DPP10: variants seen among roughly 807,000 people sequenced by gnomAD.
The protein encoded by DPP10 is dipeptidyl peptidase like 10.
DPP10 carries 33 observed loss-of-function variants against 120.9 expected under a neutral mutation model. That is an observed-to-expected ratio of 0.27 (90% CI 0.21 to 0.37). The LOEUF (loss-of-function observed/expected upper bound fraction) is 0.37. DPP10 is among the 10% of genes least tolerant of loss of function. DPP10 has a pLI of 1.00. For synonymous variants in DPP10, 337 were observed against 326.1 expected, an observed-to-expected ratio of 1.03 and a Z score of -0.36; for missense variants, 816 against 942.8, an observed-to-expected ratio of 0.87 and a Z score of 1.76.
chr2:115,554,611 C>T (rs1309397598), intron 5 of DPP10, among the ~76,000 whole-genome samples: 1 of 152,000 alleles, frequency 6.6e-6, no homozygotes, highest in African/African-American at 2.4e-5. Flanking sequence ...TCTCATACCC[C>T]AAAGGTAACA....
chr2:115,419,269 C>G (rs1213330378), intron 3 of DPP10, among the ~76,000 whole-genome samples: 3 of 152,106 alleles, frequency 2.0e-5, no homozygotes, highest in African/African-American at 7.2e-5. Flanking sequence ...TTGGATTCAT[C>G]AGAACACAGA....
chr2:114,840,821 A>G (rs984968402), intron 1 of DPP10, among the ~76,000 whole-genome samples: 2 of 152,074 alleles, frequency 1.3e-5, no homozygotes, highest in Non-Finnish European at 2.9e-5. Flanking sequence ...TTTGACTGTG[A>G]TTTTCCCTGA....
intron 1 of DPP10, among the ~76,000 whole-genome samples, chr2:114,564,592 T>TTTC (rs1184015864): frequency 2.0e-5 from 3 of 152,232 alleles, no homozygotes; most frequent in African/African-American, 4.8e-5. Flanking sequence ...GAAAAGGTTT[T>TTTC]TTCTCTGAAG....
At chr2:114,975,275 A>C (rs1699678201) in intron 1 of DPP10, among the ~76,000 whole-genome samples, 1 of 151,792 alleles carries the variant, frequency 6.6e-6, no homozygotes, top group Non-Finnish European at 1.5e-5. Context: ...CAATCTCTTG[A>C]CCTCATGATC....
At chr2:114,457,831 C>T (rs1457877225) in intron 1 of DPP10, among the ~76,000 whole-genome samples, 2 of 152,104 alleles carry the variant, frequency 1.3e-5, no homozygotes, top group African/African-American at 4.8e-5. Flanking sequence ...CCTGTCTTGG[C>T]CAAAGTAGCA....
intron 1 of DPP10, among the ~76,000 whole-genome samples, chr2:114,893,267 T>C (rs1692689490): frequency 6.6e-6 from 1 of 152,220 alleles, no homozygotes; most frequent in Admixed American, 6.5e-5. Flanking sequence ...TGAAATATAT[T>C]GCGTATCTAT....
intron 3 of DPP10, among the ~76,000 whole-genome samples, chr2:115,371,515 G>T (rs1457471682): frequency 6.6e-6 from 1 of 152,076 alleles, no homozygotes; most frequent in Non-Finnish European, 1.5e-5. Context: ...CTTCTTCAAA[G>T]ATTTCCAATG....
At chr2:114,452,340 G>A (rs1301151190) in intron 1 of DPP10, among the ~76,000 whole-genome samples, 1 of 151,968 alleles carries the variant, frequency 6.6e-6, no homozygotes, top group Non-Finnish European at 1.5e-5. Context: ...TGTGTTTTTT[G>A]AAAGATCAGT....
chr2:114,829,362 A>G (rs6732028), intron 1 of DPP10, among the ~76,000 whole-genome samples: 59,766 of 149,898 alleles, frequency 0.4, 12,347 homozygotes, highest in Middle Eastern at 0.52. Flanking sequence ...GGGACACATA[A>G]GACGTTTTTG....
At chr2:115,516,168 G>A (rs1461269689) in intron 4 of DPP10, among the ~76,000 whole-genome samples, 1 of 152,108 alleles carries the variant, frequency 6.6e-6, no homozygotes, top group Non-Finnish European at 1.5e-5. Flanking sequence ...AGCAGTGTTT[G>A]CAGATGTTCT....
intron 1 of DPP10, among the ~76,000 whole-genome samples, chr2:114,595,695 T>C (rs1691849054): frequency 6.6e-6 from 1 of 152,094 alleles, no homozygotes; most frequent in African/African-American, 2.4e-5. Flanking sequence ...ACAGATGACA[T>C]GGTTCCTGGA....
intron 5 of DPP10, among the ~76,000 whole-genome samples, chr2:115,539,651 A>G (rs2079063876): frequency 6.6e-6 from 1 of 151,974 alleles, no homozygotes; most frequent in Admixed American, 6.6e-5. Flanking sequence ...CAAGTTTGAA[A>G]TGTTGCAGCT....
At chr2:114,951,602 A>G (rs1208630230) in intron 1 of DPP10, among the ~76,000 whole-genome samples, 1 of 152,192 alleles carries the variant, frequency 6.6e-6, no homozygotes, top group African/African-American at 2.4e-5. Context: ...TAATAAGAAG[A>G]ACAGATATTT....
rs550885213 is a variant in DPP10 at position 115,288,011 on chromosome 2, T to C, written c.61-21228T>C. 7.9e-5 allele frequency among the ~76,000 whole-genome samples: 12 copies of C among 152,256 alleles called. No homozygotes were observed. The East Asian group carries it at 2.1e-3, about 27-fold the overall frequency. The stretch of plus-strand genomic sequence containing the variant: ...GCAAGTGTCTTTTTGGTATAATGAC[T>C]ATTTTTCCTTTGGGTAGATATTTGG... On this transcript the variant is annotated intron_variant, in intron 1 of 25. Coordinates refer to ENST00000410059, the MANE Select transcript of DPP10 (RefSeq NM_020868.6).
At chr2:115,840,611 A>C in intron 24 of DPP10, 139 bp from the exon 25 acceptor site, 1 of 824,032 alleles carries the variant, frequency 1.2e-6, no homozygotes, top group Non-Finnish European at 1.9e-6. Flanking sequence ...GGCGTGAGCC[A>C]CCGTGCCCAG....
chr2:114,505,089 G>A (rs1276618259), intron 1 of DPP10, among the ~76,000 whole-genome samples: 2 of 146,078 alleles, frequency 1.4e-5, no homozygotes, highest in Non-Finnish European at 3.0e-5. Context: ...AGGAAACTGA[G>A]GTAACACAGA....
intron 1 of DPP10, among the ~76,000 whole-genome samples, chr2:114,713,129 G>A (rs1254134036): frequency 4.0e-5 from 6 of 151,578 alleles, no homozygotes; most frequent in Admixed American, 6.6e-5. Context: ...TGGGATTACC[G>A]GTGTCCACCA....
intron 3 of DPP10, among the ~76,000 whole-genome samples, chr2:115,490,895 A>T (rs781552631): frequency 2.0e-4 from 30 of 152,150 alleles, no homozygotes; most frequent in Non-Finnish European, 3.1e-4. Context: ...AAGATTGTGG[A>T]TCATTTGAGG....
intron 1 of DPP10, among the ~76,000 whole-genome samples, chr2:115,259,436 A>G (rs987246100): frequency 6.6e-6 from 1 of 151,776 alleles, no homozygotes; most frequent in Non-Finnish European, 1.5e-5. Context: ...GTGAGCCGAG[A>G]TCGCACCATT....
Sources: gnomAD v4.1 joint callset for allele counts (sites outside exome capture counted in the v4.1 genomes callset) on GRCh38, gnomAD v4.1.1 for gene constraint, MANE v1.5 for transcripts, NCBI Gene and HGNC (gene_info 2026-07-23, HGNC 2026-07-21) for gene names.